Variants in LRRTM4 observed in about 807,000 individuals in gnomAD.
LRRTM4 encodes the protein leucine-rich repeat transmembrane neuronal protein 4.
LRRTM4 carries 25 observed loss-of-function variants against 47.6 expected under a neutral mutation model. The ratio of observed to expected loss-of-function variants is 0.53; its 90% CI spans 0.38 to 0.73. The LOEUF (loss-of-function observed/expected upper bound fraction) is 0.73. LRRTM4 is among the 30% of genes least tolerant of loss of function. LRRTM4 has a pLI of 0.00. For synonymous variants in LRRTM4, 311 were observed against 269.5 expected (o/e 1.15, Z -1.51); for missense variants, 638 against 713.4 (o/e 0.89, Z 1.20).
intron 3 of LRRTM4, among the ~76,000 whole-genome samples, chr2:76,793,613 GT>G (rs1553409651): frequency 1.3e-5 from 2 of 151,872 alleles, no homozygotes; most frequent in African/African-American, 2.4e-5. Flanking sequence ...GGTAAGTTAA[GT>G]TTTGAGGGCT....
chr2:77,272,839 T>G (rs542791830), intron 3 of LRRTM4, among the ~76,000 whole-genome samples: 1 of 152,180 alleles, frequency 6.6e-6, no homozygotes, highest in Admixed American at 6.5e-5. Context: ...TATGAGCCAG[T>G]TTAACCTCTT....
intron 3 of LRRTM4, among the ~76,000 whole-genome samples, chr2:77,457,050 ATG>A (rs1271575564): frequency 0.015 from 180 of 11,810 alleles, 7 homozygotes; most frequent in Non-Finnish European, 0.017. Context: ...ATATATATAT[ATG>A]TATAACCTGG....
At chr2:77,331,121 G>T (rs1670958328) in intron 3 of LRRTM4, among the ~76,000 whole-genome samples, 1 of 151,926 alleles carries the variant, frequency 6.6e-6, no homozygotes, top group African/African-American at 2.4e-5. Context: ...ACAACTTTAG[G>T]AATCTAACTC....
chr2:77,113,952 G>T (rs866448585), intron 3 of LRRTM4, among the ~76,000 whole-genome samples: 37 of 152,150 alleles, frequency 2.4e-4, no homozygotes, highest in African/African-American at 7.5e-4. Flanking sequence ...CGGCTCTTCG[G>T]GAAATAAAAT....
chr2:76,873,506 G>GTGTGTGTATATATATATATATATATA (rs367573475), intron 3 of LRRTM4, among the ~76,000 whole-genome samples: 3 of 112,310 alleles, frequency 2.7e-5, no homozygotes, highest in African/African-American at 9.7e-5. Context: ...ATATATGTGT[G>GTGTGTGTATATATATATATATATATA]TATATATATA....
At chr2:77,336,938 T>C (rs553966157) in intron 3 of LRRTM4, among the ~76,000 whole-genome samples, 78 of 152,186 alleles carry the variant, frequency 5.1e-4, no homozygotes, top group African/African-American at 1.9e-3. Flanking sequence ...TGTGTCTCTT[T>C]TCAGATGGTA....
At chr2:76,850,015 A>T (rs1039209848) in intron 3 of LRRTM4, among the ~76,000 whole-genome samples, 1 of 151,986 alleles carries the variant, frequency 6.6e-6, no homozygotes, top group Non-Finnish European at 1.5e-5. Context: ...CCTCATGTGT[A>T]TAAGTGGCTT....
intron 3 of LRRTM4, among the ~76,000 whole-genome samples, chr2:76,775,160 T>C (rs547397981): frequency 6.6e-5 from 10 of 152,332 alleles, no homozygotes; most frequent in Non-Finnish European, 1.2e-4. Flanking sequence ...CATTTAGACA[T>C]TGTTTCTTCC....
At chr2:77,244,555 C>CT (rs1423166577) in intron 3 of LRRTM4, among the ~76,000 whole-genome samples, 3 of 152,044 alleles carry the variant, frequency 2.0e-5, no homozygotes, top group Non-Finnish European at 4.4e-5. Flanking sequence ...TTATGGAAGG[C>CT]AGCTTCAGAA....
At chr2:77,295,724 C>T (rs1295718333) in intron 3 of LRRTM4, among the ~76,000 whole-genome samples, 2 of 152,164 alleles carry the variant, frequency 1.3e-5, no homozygotes, top group African/African-American at 4.8e-5. Flanking sequence ...CTCCCTTTCA[C>T]GTTGACTTTC....
At chr2:76,784,724 C>A (rs965374723) in intron 3 of LRRTM4, among the ~76,000 whole-genome samples, 18 of 151,974 alleles carry the variant, frequency 1.2e-4, no homozygotes, top group Non-Finnish European at 2.9e-5. Flanking sequence ...CATCTGAACA[C>A]CTTTATAAAA....
At chr2:77,075,039 C>T (rs1170576456) in intron 3 of LRRTM4, among the ~76,000 whole-genome samples, 1 of 152,106 alleles carries the variant, frequency 6.6e-6, no homozygotes, top group Non-Finnish European at 1.5e-5. Context: ...CTCTGAGACA[C>T]AGAAACCAGA....
intron 3 of LRRTM4, among the ~76,000 whole-genome samples, chr2:76,973,904 T>C (rs991169275): frequency 6.6e-6 from 1 of 151,722 alleles, no homozygotes; most frequent in African/African-American, 2.4e-5. Flanking sequence ...AAAGTTACTG[T>C]TCAGCTTTTC....
At chr2:77,315,351 G>T (rs1433016103) in intron 3 of LRRTM4, among the ~76,000 whole-genome samples, 1 of 151,944 alleles carries the variant, frequency 6.6e-6, no homozygotes, top group African/African-American at 2.4e-5. Context: ...TATTTAAAAG[G>T]TATTGCTCAT....
intron 3 of LRRTM4, among the ~76,000 whole-genome samples, chr2:76,760,269 T>G (rs1409617777): frequency 1.3e-5 from 2 of 152,188 alleles, no homozygotes; most frequent in African/African-American, 4.8e-5. Flanking sequence ...TGAGGAAAGC[T>G]AAAGATATTA....
At chr2:77,268,473 C>A (rs1171990445) in intron 3 of LRRTM4, among the ~76,000 whole-genome samples, 1 of 152,112 alleles carries the variant, frequency 6.6e-6, no homozygotes, top group Non-Finnish European at 1.5e-5. Context: ...TCTTACCATC[C>A]TGCCTTGGTC....
At chr2:77,108,211 G>T (rs368482032) in intron 3 of LRRTM4, among the ~76,000 whole-genome samples, 12 of 152,114 alleles carry the variant, frequency 7.9e-5, no homozygotes, top group Admixed American at 3.3e-4. Context: ...ACCATCATTA[G>T]CATACTAAAA....
intron 3 of LRRTM4, among the ~76,000 whole-genome samples, chr2:77,407,685 A>T (rs1435981851): frequency 0.016 from 2,110 of 128,032 alleles, 50 homozygotes; most frequent in African/African-American, 0.06. Flanking sequence ...ATAATATTTA[A>T]TATAATATAT....
intron 3 of LRRTM4, among the ~76,000 whole-genome samples, chr2:76,794,053 C>T (rs911666740): frequency 1.3e-5 from 2 of 152,128 alleles, no homozygotes; most frequent in African/African-American, 2.4e-5. Context: ...GAAGTCCAAC[C>T]AGGAACTAAG....
Sources: gnomAD v4.1 joint callset for allele counts (sites outside exome capture counted in the v4.1 genomes callset) on GRCh38, gnomAD v4.1.1 for gene constraint, MANE v1.5 for transcripts, NCBI Gene and HGNC (gene_info 2026-07-23, HGNC 2026-07-21) for gene names.